The following TRPC5 variants were observed in gnomAD, a reference collection of about 807,000 sequenced individuals.
The protein encoded by TRPC5 is transient receptor potential cation channel subfamily C member 5.
In TRPC5, 9 loss-of-function variants were observed where a neutral mutation model predicts 56.5. The ratio of observed to expected loss-of-function variants is 0.16; its 90% CI spans 0.10 to 0.28. The LOEUF is 0.28. TRPC5 is among the 10% of genes least tolerant of loss of function. The pLI, the probability that TRPC5 is intolerant of heterozygous loss-of-function variation, is 1.00. For missense variants in TRPC5, 469 were observed against 748.9 expected (o/e 0.63, Z 4.36); for synonymous variants, 282 against 278.5 (o/e 1.01, Z -0.13).
chrX:111,800,950 A>G (rs1921288914), intron 7 of TRPC5, among the ~76,000 whole-genome samples: 1 of 110,955 alleles, frequency 9.0e-6, no homozygotes, highest in African/African-American at 3.3e-5. Context: ...GGTCAGCTAT[A>G]TATTCACAGA....
At chrX:111,968,972 TAATAAAATAAAATAAAATAAAATAA>T (rs574801408) in intron 1 of TRPC5, among the ~76,000 whole-genome samples, 74 of 93,500 alleles carry the variant, frequency 7.9e-4, no homozygotes, top group African/African-American at 2.7e-3. Context: ...ACTTAAAGTA[TAATAAAATAAAATAAAATAAAATAA>T]AATAAAATAA....
At chrX:111,945,849 G>T (rs1167949659) in intron 2 of TRPC5, among the ~76,000 whole-genome samples, 1 of 112,108 alleles carries the variant, frequency 8.9e-6, no homozygotes, top group Non-Finnish European at 1.9e-5. Flanking sequence ...GATAAGGGAG[G>T]GACTCAGTGA....
At chrX:111,943,443 G>A (rs939863478) in intron 2 of TRPC5, among the ~76,000 whole-genome samples, 2 of 112,007 alleles carry the variant, frequency 1.8e-5, no homozygotes, top group African/African-American at 3.2e-5. Flanking sequence ...TAAATGAAGT[G>A]TCCTGTTGCT....
At chrX:111,844,208 C>T (rs1922853853) in intron 6 of TRPC5, among the ~76,000 whole-genome samples, 1 of 110,429 alleles carries the variant, frequency 9.1e-6, no homozygotes, top group Non-Finnish European at 1.9e-5. Flanking sequence ...CAGGTATATT[C>T]AGGAGGCATC....
At chrX:111,799,733 A>G (rs1402404111) in intron 7 of TRPC5, among the ~76,000 whole-genome samples, 1 of 111,142 alleles carries the variant, frequency 9.0e-6, no homozygotes, top group Non-Finnish European at 1.9e-5. Flanking sequence ...GACAGAGCCA[A>G]TCAGGGAAAT....
rs1339140927 is a variant in TRPC5, at chrX:111,844,529, GA to G, written c.1700+2584del. Reference sequence around the variant, plus strand: ...AGGCTGGAGTGGAGTGCAATGGCGTGATCTCGGCTCACTGCAACCTCTGCCT... The same window carrying G: ...AGGCTGGAGTGGAGTGCAATGGCGTGTCTCGGCTCACTGCAACCTCTGCCT... On this transcript the variant is annotated intron_variant, in intron 6 of 10. Coordinates refer to ENST00000262839, the MANE Select transcript of TRPC5 (RefSeq NM_012471.3). Among the ~76,000 whole-genome samples the G allele has an allele frequency of 2.9e-3, 294 of 102,896 alleles. 1 individual carries two copies. The highest frequency in any genetic ancestry group is 0.01 in the African/African-American group (287 of 27,772). 89.4% of individuals were successfully genotyped at this position (102,896 alleles called of 115,157 possible).
intron 6 of TRPC5, among the ~76,000 whole-genome samples, chrX:111,839,182 A>G (rs758168465): frequency 9.0e-6 from 1 of 111,237 alleles, no homozygotes; most frequent in Admixed American, 9.6e-5. Flanking sequence ...TCTAGCTTCT[A>G]CTTCTTTCCT....
At chrX:112,035,045 A>T in intron 1 of TRPC5, among the ~76,000 whole-genome samples, 1 of 103,560 alleles carries the variant, frequency 9.7e-6, no homozygotes. Context: ...TTTCCTTAAG[A>T]TGTAAAGTGA....
intron 1 of TRPC5, among the ~76,000 whole-genome samples, chrX:111,957,951 A>C (rs769711277): frequency 8.9e-6 from 1 of 112,119 alleles, no homozygotes; most frequent in Non-Finnish European, 1.9e-5. Flanking sequence ...TCACAGAGGA[A>C]GTAATATCTG....
Position 111,845,439 on chromosome X carries a change from T to G in TRPC5, c.1700+1675A>C, listed in dbSNP as rs138884533. Among the ~76,000 whole-genome samples, 83 of 111,762 alleles carry G rather than the reference T, an allele frequency of 7.4e-4. 1 individual carries two copies. The East Asian group carries it at 0.022, about 30-fold the overall frequency. ...TTTATGTATGACAGGTGCCCATTCT[T>G]TTCAATTGTCCCTGCTAGGCAAGTG... On this transcript the variant is annotated intron_variant, in intron 6 of 10. Transcript: ENST00000262839.
chrX:112,073,081 C>T (rs1470263383), intron 1 of TRPC5, among the ~76,000 whole-genome samples: 4 of 111,676 alleles, frequency 3.6e-5, no homozygotes, highest in African/African-American at 6.5e-5. Context: ...CTGAGCAGGG[C>T]GTGTTCTTCT....
intron 3 of TRPC5, among the ~76,000 whole-genome samples, chrX:111,856,533 G>T (rs1410928829): frequency 3.6e-5 from 3 of 83,452 alleles, no homozygotes; most frequent in African/African-American, 2.7e-4. Context: ...AGTGAGCCCT[G>T]TCTCAAATAA....
intron 7 of TRPC5, among the ~76,000 whole-genome samples, chrX:111,791,579 T>C (rs764358072): frequency 8.9e-6 from 1 of 112,292 alleles, no homozygotes; most frequent in African/African-American, 3.2e-5. Context: ...CAGAGTCTCA[T>C]CCAACATGAC....
intron 1 of TRPC5, among the ~76,000 whole-genome samples, chrX:111,982,450 A>G (rs773707361): frequency 9.0e-6 from 1 of 111,425 alleles, no homozygotes; most frequent in African/African-American, 3.3e-5. Context: ...GCCATTAAGC[A>G]TCCTGCCTGG....
intron 1 of TRPC5, among the ~76,000 whole-genome samples, chrX:112,004,452 C>G (rs116470300): frequency 0.068 from 7,558 of 111,653 alleles, 349 homozygotes; most frequent in African/African-American, 0.17. Flanking sequence ...AGGGCAGATC[C>G]CACTAGAGTC....
intron 5 of TRPC5, among the ~76,000 whole-genome samples, chrX:111,849,256 A>G (rs1034809710): frequency 8.9e-6 from 1 of 112,542 alleles, no homozygotes; most frequent in African/African-American, 3.2e-5. Context: ...AGTGTAAAAC[A>G]TGATTCTCAT....
intron 1 of TRPC5, among the ~76,000 whole-genome samples, chrX:112,076,450 C>A (rs1206304326): frequency 9.1e-6 from 1 of 110,329 alleles, no homozygotes; most frequent in East Asian, 2.8e-4. Flanking sequence ...CTTTTTTTTT[C>A]ACCTACAAAA....
At chrX:111,812,536 T>C (rs934399203) in intron 7 of TRPC5, among the ~76,000 whole-genome samples, 2 of 112,169 alleles carry the variant, frequency 1.8e-5, no homozygotes, top group African/African-American at 6.5e-5. Flanking sequence ...TAACTATCCA[T>C]TTATTTTTTT....
intron 9 of TRPC5, 30 bp downstream of exon 9, chrX:111,781,135 T>C (rs1701863451): frequency 8.3e-7 from 1 of 1,198,620 alleles, no homozygotes; most frequent in South Asian, 1.8e-5. Context: ...CCAACAACTA[T>C]TGTGCTTCAT....
Sources: gnomAD v4.1 joint callset for allele counts (sites outside exome capture counted in the v4.1 genomes callset) on GRCh38, gnomAD v4.1.1 for gene constraint, MANE v1.5 for transcripts, NCBI Gene and HGNC (gene_info 2026-07-23, HGNC 2026-07-21) for gene names.